Variants in HNRNPL observed in about 807,000 individuals in gnomAD.
HNRNPL encodes epididymis secretory sperm binding protein.
Under a neutral mutation model 64.0 loss-of-function variants are expected in HNRNPL, and 12 were observed. The observed-to-expected ratio is 0.19, with a 90% CI of 0.12 to 0.30. The LOEUF is 0.30. Among genes scored for constraint, HNRNPL ranks in the 10% least tolerant of loss-of-function variants. HNRNPL has a pLI of 1.00. For synonymous variants in HNRNPL, 385 were observed against 313.0 expected, an observed-to-expected ratio of 1.23 and a Z score of -2.43; for missense variants, 484 against 797.4, an observed-to-expected ratio of 0.61 and a Z score of 4.73.
chr19:38,843,309 C>T (rs1439774193), intron 6 of HNRNPL: 1 of 156,266 alleles, frequency 6.4e-6, no homozygotes, highest in Non-Finnish European at 1.4e-5. Flanking sequence ...GATGTTGCGT[C>T]CCCTCTACAA....
At chr19:38,851,137 C>T (rs1972493199), upstream of HNRNPL, 1 of 152,532 alleles carries the variant, frequency 6.6e-6, no homozygotes. Context: ...GGCCACCTAC[C>T]AAGCGCCCAG....
At chr19:38,842,067 G>GT (rs1394036228) in intron 6 of HNRNPL, 1 of 129,160 alleles carries the variant, frequency 7.7e-6, no homozygotes. Flanking sequence ...TTTTAGGTCT[G>GT]TTTTGGTTTT....
chr19:38,848,225 G>C (rs862457), intron 1 of HNRNPL, among the ~76,000 whole-genome samples: 64,737 of 152,032 alleles, frequency 0.43, 15,961 homozygotes, highest in Non-Finnish European at 0.56. Flanking sequence ...CGAGTAGCTG[G>C]AATTACAGGC....
chr19:38,841,457 G>A, intron 6 of HNRNPL: 1 of 398,246 alleles, frequency 2.5e-6, no homozygotes, highest in Non-Finnish European at 5.0e-6. Flanking sequence ...AGGTCTGGCT[G>A]ACTCCAAAAC....
intron 8 of HNRNPL, chr19:38,839,348 T>C (rs1166867354): frequency 1.1e-5 from 3 of 283,364 alleles, no homozygotes; most frequent in Non-Finnish European, 2.1e-5. Context: ...GATGGCTGTG[T>C]CTACAGTCAC....
chr19:38,841,399 T>C (rs967041478), intron 6 of HNRNPL: 4 of 358,174 alleles, frequency 1.1e-5, no homozygotes, highest in Admixed American at 7.7e-5. Context: ...AAAGACACTT[T>C]GGCCCAAAGT....
intron 1 of HNRNPL, among the ~76,000 whole-genome samples, chr19:38,848,300 C>T (rs1972370725): frequency 6.6e-6 from 1 of 152,102 alleles, no homozygotes; most frequent in South Asian, 2.1e-4. Context: ...GCCATGTTGA[C>T]CAGGCTGTTC....
chr19:38,841,768 T>A, intron 6 of HNRNPL: 1 of 544,610 alleles, frequency 1.8e-6, no homozygotes, highest in South Asian at 1.6e-5. Context: ...TAAAAGTCAA[T>A]ATTTTGATTA....
At chr19:38,847,494 G>C (rs1972338749) in intron 1 of HNRNPL, 60 bp from the exon 2 acceptor site, 1 of 1,012,452 alleles carries the variant, frequency 9.9e-7, no homozygotes, top group Admixed American at 2.7e-5. Flanking sequence ...CGCCCCACTG[G>C]CCTCTGTACT....
intron 6 of HNRNPL, chr19:38,841,159 C>T (rs1318262879): frequency 4.2e-6 from 1 of 239,726 alleles, no homozygotes; most frequent in African/African-American, 2.3e-5. Flanking sequence ...CAATCATGTA[C>T]AAGGCATCGA....
intron 3 of HNRNPL, 58 bp from the exon 4 acceptor site, chr19:38,845,793 G>T (rs1166309484): frequency 6.3e-7 from 1 of 1,598,614 alleles, no homozygotes; most frequent in East Asian, 2.2e-5. Flanking sequence ...CTGGCTTGGG[G>T]GAGGGAATAA....
rs564211975 is a variant in HNRNPL, at chr19:38,845,928, C to T, written c.549G>A (p.Gly183=). 9.2e-5 allele frequency: 148 copies of T among 1,614,148 alleles called. No homozygotes were observed. The Admixed American group carries it at 2.3e-3, about 26-fold the overall frequency. Residue 183 remains glycine (G), a synonymous_variant, in exon 3 of 13, where the codon GGG becomes GGA. Coordinates refer to ENST00000221419, the MANE Select transcript of HNRNPL (RefSeq NM_001533.3). ...TCACGCTCCGGGAGTCATCCGAGTCCCCAGGGCGGGAGATCTTCTGGCTGG... is the reference window on the plus strand; with the variant it reads ...TCACGCTCCGGGAGTCATCCGAGTCTCCAGGGCGGGAGATCTTCTGGCTGG... ...YSTSQKISRP[G]DSDDSRSVNS...
chr19:38,840,654 G>T, intron 6 of HNRNPL, 95 bp from the exon 7 acceptor site: 1 of 1,021,990 alleles, frequency 9.8e-7, no homozygotes, highest in Non-Finnish European at 1.5e-6. Context: ...CCCAGCTCCT[G>T]CCAACTGCAA....
At chr19:38,838,826 G>T in intron 9 of HNRNPL, 68 bp downstream of exon 9, 1 of 1,601,270 alleles carries the variant, frequency 6.2e-7, no homozygotes, top group Non-Finnish European at 8.5e-7. Context: ...GTGCTCCTCT[G>T]CTGGGCCCCA....
At chr19:38,846,400 G>A (rs1418428625) in intron 2 of HNRNPL, among the ~76,000 whole-genome samples, 2 of 152,170 alleles carry the variant, frequency 1.3e-5, no homozygotes, top group South Asian at 2.1e-4. Context: ...CTTTCTAAGA[G>A]AAGCATCCAG....
Position 38,849,748 on chromosome 19 carries a change from G to T in HNRNPL, c.219C>A (p.Gly73=), listed in dbSNP as rs557250479. ...TDNAGDQHGG[G]GGGGGGAGAA... Reference sequence around the variant, plus strand: ...CCCCGGCTCCTCCACCGCCACCGCCGCCGCCTCCGTGCTGGTCGCCGGCGT... The same window carrying T: ...CCCCGGCTCCTCCACCGCCACCGCCTCCGCCTCCGTGCTGGTCGCCGGCGT... The change falls in exon 1 of 13, where the codon GGC becomes GGA. Residue 73 remains glycine, a synonymous_variant. Transcript: ENST00000221419. The T allele has an allele frequency of 2.2e-6, 3 of 1,387,656 alleles. No homozygotes were observed. The South Asian group carries it at 4.6e-5, about 21-fold the overall frequency. The allele number at this position is 1,387,656 out of a possible 1,614,324, so 86.0% of individuals were successfully genotyped here.
intron 12 of HNRNPL, 22 bp downstream of exon 12, chr19:38,837,362 T>C (rs751027234): frequency 1.3e-6 from 2 of 1,594,392 alleles, no homozygotes; most frequent in Non-Finnish European, 8.6e-7. Flanking sequence ...GGTTGATGCC[T>C]GCAGGACACA....
intron 5 of HNRNPL, 47 bp from the exon 6 acceptor site, chr19:38,843,961 C>G: frequency 1.2e-6 from 2 of 1,608,142 alleles, no homozygotes; most frequent in South Asian, 1.1e-5. Context: ...CATGCCCCAG[C>G]TCACCTGGAA....
chr19:38,850,029 G>A, upstream of HNRNPL: 2 of 1,282,480 alleles, frequency 1.6e-6, no homozygotes, highest in Non-Finnish European at 2.0e-6. Flanking sequence ...GTCACCCGCC[G>A]CCCCCACCCG....
Sources: gnomAD v4.1 joint callset for allele counts (sites outside exome capture counted in the v4.1 genomes callset) on GRCh38, gnomAD v4.1.1 for gene constraint, MANE v1.5 for transcripts, NCBI Gene and HGNC (gene_info 2026-07-23, HGNC 2026-07-21) for gene names.